Variants in CDH15 observed in about 807,000 individuals in gnomAD.
CDH15 encodes the protein cadherin 15, also known as cadherin-15.
In CDH15, 73 loss-of-function variants were observed where a neutral mutation model predicts 69.4. The observed-to-expected ratio is 1.05, with a 90% CI of 0.87 to 1.28. CDH15 has a LOEUF of 1.28. Among genes scored for constraint, CDH15 ranks in the 50% most tolerant of loss-of-function variants. CDH15 has a pLI of 0.00. For synonymous variants in CDH15, 624 were observed against 507.7 expected (o/e 1.23, Z -3.08); for missense variants, 1,343 against 1,133.6 (o/e 1.18, Z -2.65).
chr16:89,171,773 C>T lies in CDH15; in HGVS notation c.-59C>T, dbSNP rs113555855. ...CCCGCGCACTTGCGCTGTCACTCAG[C>T]CTGGACGCGCTTCTTCGGGTCGCGG... is the stretch of plus-strand genomic sequence containing the variant. On this transcript the variant is annotated 5_prime_UTR_variant, in exon 1 of 14. Transcript: ENST00000289746. The T allele has an allele frequency of 1.1e-5, 17 of 1,520,040 alleles. No individual in the cohort carries two copies. The highest frequency in any genetic ancestry group is 5.5e-5 in the African/African-American group (4 of 72,628). 94.2% of individuals were successfully genotyped at this position (1,520,040 alleles called of 1,614,324 possible).
At chr16:89,174,277 G>T (rs748010601) in intron 1 of CDH15, among the ~76,000 whole-genome samples, 1 of 152,228 alleles carries the variant, frequency 6.6e-6, no homozygotes, top group Non-Finnish European at 1.5e-5. Context: ...TCCAGGAACG[G>T]GGTGGCCCCA....
intron 13 of CDH15, among the ~76,000 whole-genome samples, chr16:89,194,463 T>C (rs564683047): frequency 7.9e-5 from 12 of 152,080 alleles, no homozygotes; most frequent in Non-Finnish European, 1.5e-4. Context: ...AGGACAGACA[T>C]GCAGACAGAG....
chr16:89,178,365 C>T (rs1002744946), intron 1 of CDH15, among the ~76,000 whole-genome samples: 9 of 152,180 alleles, frequency 5.9e-5, no homozygotes, highest in Admixed American at 6.5e-5. Context: ...ACAAACAGTG[C>T]GTCCCAGCCC....
At chr16:89,173,736 G>A (rs1162105617) in intron 1 of CDH15, among the ~76,000 whole-genome samples, 1 of 152,196 alleles carries the variant, frequency 6.6e-6, no homozygotes, top group African/African-American at 2.4e-5. Context: ...CAAGTGAGGG[G>A]TTGCTCCCCT....
intron 1 of CDH15, among the ~76,000 whole-genome samples, chr16:89,172,989 C>T (rs1475929191): frequency 6.6e-6 from 1 of 152,162 alleles, no homozygotes; most frequent in African/African-American, 2.4e-5. Context: ...TCCCCTCATT[C>T]CCACAGGCCT....
chr16:89,192,076 G>C lies in CDH15; in HGVS notation c.1616-129G>C, dbSNP rs1915660487. The stretch of plus-strand genomic sequence containing the variant: ...GGGGCAGGGTTACTCATTGTGCCCA[G>C]AGGACGGTGGGGGTGGGGGGGACCC... On this transcript the variant is annotated intron_variant, in intron 10 of 13. Transcript: ENST00000289746. 7 of 1,294,660 alleles carry C rather than the reference G, an allele frequency of 5.4e-6. No homozygotes were observed. In the East Asian group the frequency reaches 1.8e-4, roughly 33 times the overall value. The allele number at this position is 1,294,660 out of a possible 1,614,324, so 80.2% of individuals were successfully genotyped here.
In CDH15 at chr16:89,193,489, A is replaced by C; in HGVS notation, c.1875A>C (p.Ala625=). Residue 625 remains alanine, a synonymous_variant, in exon 12 of 14, where the codon GCA becomes GCC. Coordinates refer to ENST00000289746, the MANE Select transcript of CDH15 (RefSeq NM_004933.3). ...CCCCAGTGCTGGTCCTGCTCGTGGC[A>C]CTCCGGGCGCGGTTCTGGAAGCAGT... The part of the protein sequence containing the change: ...LLLLVLVLLV[A]LRARFWKQSR... 1 of 1,610,040 alleles carries C rather than the reference A, an allele frequency of 6.2e-7. No individual in the cohort carries two copies.
In CDH15 at chr16:89,172,877, G is replaced by T. The variant is rs573023752; in HGVS notation, c.42+1004G>T. Among the ~76,000 whole-genome samples the T allele has an allele frequency of 2.0e-5, 3 of 152,306 alleles. No individual in the cohort carries two copies. In the East Asian group the frequency reaches 5.8e-4, roughly 29 times the overall value. Reference sequence around the variant, plus strand: ...CATAAAGGGCTTAGCGGTGCTCACAGTATTCATTGCTCTTGTGGTCCTGGG... The same window carrying T: ...CATAAAGGGCTTAGCGGTGCTCACATTATTCATTGCTCTTGTGGTCCTGGG... On this transcript the variant is annotated intron_variant, in intron 1 of 13. Coordinates refer to ENST00000289746, the MANE Select transcript of CDH15 (RefSeq NM_004933.3).
chr16:89,193,865 C>T lies in CDH15; in HGVS notation c.2103C>T (p.Pro701=). 1.2e-6 allele frequency: 2 copies of T among 1,612,096 alleles called. No homozygotes were observed. The highest frequency in any genetic ancestry group is 1.7e-6 in the Non-Finnish European group (2 of 1,179,782). ...AGGGCCGCCTGCACCCCCAGCCACC[C>T]CGAGTGCTGCCCACCAGCCCCCTGG... ...APQGRLHPQP[P]RVLPTSPLDI... is the part of the protein sequence containing the mutation. Residue 701 remains proline (P), a synonymous_variant, in exon 13 of 14, where the codon CCC becomes CCT. Coordinates refer to ENST00000289746, the MANE Select transcript of CDH15 (RefSeq NM_004933.3).
At position 89,171,893 on chromosome 16, in the gene CDH15, G is replaced by A; in HGVS notation, c.42+20G>A. 1.9e-6 allele frequency: 3 copies of A among 1,547,890 alleles called. No individual in the cohort carries two copies. Among genetic ancestry groups the A allele is most frequent in the Non-Finnish European group, 2.6e-6 (3 of 1,149,620 alleles). ...GCCCAGGTAAGGCATCGGCACCTGC[G>A]GGGGTCCCCGCTGCCTCCCTCGACG... On this transcript the variant is annotated intron_variant, in intron 1 of 13. Coordinates refer to ENST00000289746, the MANE Select transcript of CDH15 (RefSeq NM_004933.3).
rs976036463 is a variant in CDH15, at chr16:89,192,236, G to A, written c.1647G>A (p.Gln549=). Reference sequence around the variant, plus strand: ...ACGCGCGCCTGCGGCCGCGACACCAGGTCCCCGAAGGCCTGCACCGCCTCA... The same window carrying A: ...ACGCGCGCCTGCGGCCGCGACACCAAGTCCCCGAAGGCCTGCACCGCCTCA... ...VSHARLRPRH[Q]VPEGLHRLSL... is the part of the protein sequence containing the mutation. The change falls in exon 11 of 14, where the codon CAG becomes CAA. Residue 549 remains glutamine (Q), a synonymous_variant. Coordinates refer to ENST00000289746, the MANE Select transcript of CDH15 (RefSeq NM_004933.3). 10 of 1,529,500 alleles carry A rather than the reference G, an allele frequency of 6.5e-6. No individual in the cohort carries two copies. The highest frequency in any genetic ancestry group is 4.1e-5 in the African/African-American group (3 of 72,394). The allele number at this position is 1,529,500 out of a possible 1,614,324, so 94.7% of individuals were successfully genotyped here. A position where few individuals can be genotyped will look rare whatever the true frequency, so the allele number is the denominator to read the frequency against.
chr16:89,192,170 G>A (rs1014423845), intron 10 of CDH15, 35 bp from the exon 11 acceptor site: 1 of 1,503,180 alleles, frequency 6.7e-7, no homozygotes, highest in Admixed American at 2.2e-5. Context: ...GGGCGGCCTC[G>A]GGAGGCCCTC....
chr16:89,185,023 A>C, intron 4 of CDH15, 150 bp from the exon 5 acceptor site: 2 of 733,368 alleles, frequency 2.7e-6, no homozygotes, highest in Non-Finnish European at 4.5e-6. Flanking sequence ...TCGGTGACGC[A>C]AACAGCAGCA....
In CDH15 at chr16:89,195,390, C is replaced by G. The variant is rs553632835; in HGVS notation, c.*235C>G. 120 of 557,446 alleles carry G rather than the reference C, an allele frequency of 2.2e-4. No homozygotes were observed. The highest frequency in any genetic ancestry group is 4.6e-4 in the Middle Eastern group (1 of 2,154). 34.5% of individuals were successfully genotyped at this position (557,446 alleles called of 1,614,324 possible). A position where few individuals can be genotyped will look rare whatever the true frequency, so the allele number is the denominator to read the frequency against. ...CATCGGCCCCATGCGGGTCACCTCC[C>G]TAGTCCCACCTTTGCCTCCTACCAG... On this transcript the variant is annotated 3_prime_UTR_variant, in exon 14 of 14. Coordinates refer to ENST00000289746, the MANE Select transcript of CDH15 (RefSeq NM_004933.3).
Position 89,193,814 on chromosome 16 carries a change from G to C in CDH15, c.2052G>C (p.Pro684=), listed in dbSNP as rs757209830. 6.2e-7 allele frequency: 1 copy of C among 1,608,668 alleles called. No individual in the cohort carries two copies. Among genetic ancestry groups the C allele is most frequent in the East Asian group, 2.2e-5 (1 of 44,830 alleles). The change falls in exon 13 of 14, where the codon CCG becomes CCC. Residue 684 remains proline (P), a synonymous_variant. Coordinates refer to ENST00000289746, the MANE Select transcript of CDH15 (RefSeq NM_004933.3). The part of the protein sequence containing the change: ...HPTALSLPLG[P]PPLRRDAPQG... The stretch of plus-strand genomic sequence containing the variant: ...CAGCGCTGAGCCTGCCTCTGGGACC[G>C]CCGCCACTTCGCAGAGATGCCCCGC...
At position 89,188,138 on chromosome 16, in the gene CDH15, T is replaced by C; in HGVS notation, c.831T>C (p.Asp277=). Residue 277 remains aspartate, a synonymous_variant, in exon 7 of 14, where the codon GAT becomes GAC. Coordinates refer to ENST00000289746, the MANE Select transcript of CDH15 (RefSeq NM_004933.3). ...CCATAGAGGCCGTCAGCGGAGTGGATGTGGGACGCCTGGAAGTGGAGGACA... is the reference window on the plus strand; with the variant it reads ...CCATAGAGGCCGTCAGCGGAGTGGACGTGGGACGCCTGGAAGTGGAGGACA... ...MEAIEAVSGV[D]VGRLEVEDRD... is the part of the protein sequence containing the mutation. The C allele has an allele frequency of 6.2e-7, 1 of 1,613,200 alleles. No homozygotes were observed. Among genetic ancestry groups the C allele is most frequent in the Non-Finnish European group, 8.5e-7 (1 of 1,179,786 alleles).
In CDH15 at chr16:89,180,298, C is replaced by T. The variant is rs1490176820; in HGVS notation, c.300C>T (p.Phe100=). ...GGGGCGTCTTCTCTATCGACAAGTT[C>T]ACAGGGAAGGTCTTCCTCAATGCCA... The part of the protein sequence containing the change: ...EPRGVFSIDK[F]TGKVFLNAML... The change falls in exon 3 of 14, where the codon TTC becomes TTT. Residue 100 remains phenylalanine (F), a synonymous_variant. Transcript: ENST00000289746. 2 of 1,612,272 alleles carry T rather than the reference C, an allele frequency of 1.2e-6. No homozygotes were observed. Among genetic ancestry groups the T allele is most frequent in the Non-Finnish European group, 1.7e-6 (2 of 1,179,406 alleles).
chr16:89,187,554 T>C lies in CDH15; in HGVS notation c.789T>C (p.Asp263=). The C allele has an allele frequency of 6.2e-7, 1 of 1,613,468 alleles. No homozygotes were observed. Among genetic ancestry groups the C allele is most frequent in the Non-Finnish European group, 8.5e-7 (1 of 1,179,994 alleles). The change falls in exon 6 of 14, where the codon GAT becomes GAC. Residue 263 remains aspartate (D), a synonymous_variant. Coordinates refer to ENST00000289746, the MANE Select transcript of CDH15 (RefSeq NM_004933.3). ...INDNAPEFTR[D]EFFMEAIEAV... Reference sequence around the variant, plus strand: ...ACAATGCCCCCGAGTTCACCAGGGATGAGGTGCTGCTGCTGTCCCTCCCTC... The same window carrying C: ...ACAATGCCCCCGAGTTCACCAGGGACGAGGTGCTGCTGCTGTCCCTCCCTC...
At chr16:89,185,556 C>T (rs950389660) in intron 5 of CDH15, 7 of 617,446 alleles carry the variant, frequency 1.1e-5, no homozygotes, top group African/African-American at 1.8e-5. Context: ...GCAAGTAGGG[C>T]GTGAGGGGCC....
Sources: gnomAD v4.1 joint callset for allele counts (sites outside exome capture counted in the v4.1 genomes callset) on GRCh38, gnomAD v4.1.1 for gene constraint, MANE v1.5 for transcripts, NCBI Gene and HGNC (gene_info 2026-07-23, HGNC 2026-07-21) for gene names.